CGGBP1: variants seen among roughly 807,000 people sequenced by gnomAD.
CGGBP1 encodes the protein CGG triplet repeat-binding protein 1.
A neutral mutation model predicts 11.4 loss-of-function variants in CGGBP1; 4 were observed. The observed-to-expected ratio is 0.35, with a 90% CI of 0.17 to 0.80. The LOEUF (loss-of-function observed/expected upper bound fraction) is 0.80, where lower values mean the gene tolerates loss of function less well. Among genes scored for constraint, CGGBP1 ranks in the 30% least tolerant of loss-of-function variants. CGGBP1 has a pLI of 0.52. For missense variants in CGGBP1, 135 were observed against 202.1 expected (o/e 0.67, Z 2.01); for synonymous variants, 76 against 74.1 (o/e 1.03, Z -0.13).
At chr3:88,129,124 AT>A (rs1369031111) in intron 2 of CGGBP1, 57 of 719,242 alleles carry the variant, frequency 7.9e-5, no homozygotes, top group Non-Finnish European at 1.1e-5. Context: ...AATGCCAAAG[AT>A]TTAAGGATTA....
chr3:88,129,152 T>C, intron 2 of CGGBP1: 1 of 614,396 alleles, frequency 1.6e-6, no homozygotes, highest in South Asian at 2.5e-5. Context: ...CTGGATGTGT[T>C]TTCTTTTGGC....
upstream of CGGBP1, among the ~76,000 whole-genome samples, chr3:88,061,659 C>T (rs747371970): frequency 4.6e-5 from 7 of 152,100 alleles, no homozygotes; most frequent in African/African-American, 1.7e-4. Context: ...ATTTTATCTA[C>T]TGAGAAATAA....
upstream of CGGBP1, chr3:88,059,632 C>G: frequency 7.4e-7 from 1 of 1,350,674 alleles, no homozygotes. Context: ...GAGGGTGAGG[C>G]TGAAGCTCCC....
At chr3:88,124,964 C>T (rs1427125037) in intron 2 of CGGBP1, among the ~76,000 whole-genome samples, 1 of 151,910 alleles carries the variant, frequency 6.6e-6, no homozygotes, top group African/African-American at 2.4e-5. Context: ...GCCTGTAATC[C>T]CAGCACTTTG....
intron 1 of CGGBP1, among the ~76,000 whole-genome samples, 190 bp from the exon 2 acceptor site, chr3:88,058,413 C>T (rs1466766805): frequency 2.6e-5 from 4 of 152,030 alleles, no homozygotes; most frequent in Non-Finnish European, 5.9e-5. Flanking sequence ...GTGGTCCGCC[C>T]GCTTGGCACC....
At chr3:88,087,027 C>T (rs1273167961) in intron 2 of CGGBP1, among the ~76,000 whole-genome samples, 1 of 152,104 alleles carries the variant, frequency 6.6e-6, no homozygotes, top group Non-Finnish European at 1.5e-5. Context: ...CGTGATCTGC[C>T]TACCTTGGCC....
chr3:88,058,120 C>T lies in CGGBP1; in HGVS notation c.-227G>A, dbSNP rs1046855428. 2 of 152,202 alleles carry T rather than the reference C, an allele frequency of 1.3e-5. No homozygotes were observed. Among genetic ancestry groups the T allele is most frequent in the Admixed American group, 6.5e-5 (1 of 15,272 alleles). The allele number at this position is 152,202 out of a possible 1,614,324, so 9.4% of individuals were successfully genotyped here. A position where few individuals can be genotyped will look rare whatever the true frequency, so the allele number is the denominator to read the frequency against. On this transcript the variant is annotated 5_prime_UTR_variant, in exon 2 of 4. Transcript: ENST00000482016. ...ATCCTGGCACTTTCCGTTTGTTCAA[C>T]CCCGGAGATGCCTTCAAATCAGTTT...
At chr3:88,077,846 T>G (rs1395423106) in intron 2 of CGGBP1, among the ~76,000 whole-genome samples, 1 of 152,214 alleles carries the variant, frequency 6.6e-6, no homozygotes, top group Non-Finnish European at 1.5e-5. Context: ...AAACCAAGGT[T>G]GTTTTTTAGT....
At chr3:88,096,565 C>A (rs537639556) in intron 2 of CGGBP1, among the ~76,000 whole-genome samples, 1 of 152,214 alleles carries the variant, frequency 6.6e-6, no homozygotes, top group East Asian at 1.9e-4. Flanking sequence ...TTTAGATTGG[C>A]AATTTTTTTC....
At chr3:88,123,464 C>CT (rs1234811591) in intron 2 of CGGBP1, among the ~76,000 whole-genome samples, 2 of 152,122 alleles carry the variant, frequency 1.3e-5, no homozygotes, top group Non-Finnish European at 2.9e-5. Context: ...GGAGTAGACA[C>CT]TAAGTGTGGG....
chr3:88,059,119 C>T (rs1370737182), upstream of CGGBP1: 7 of 1,003,090 alleles, frequency 7.0e-6, no homozygotes, highest in Admixed American at 2.9e-5. Context: ...CGGGCATGAA[C>T]ATGATTGGCA....
intron 2 of CGGBP1, among the ~76,000 whole-genome samples, chr3:88,089,191 T>TAA (rs11328694): frequency 1.4e-4 from 18 of 131,192 alleles, no homozygotes; most frequent in East Asian, 2.2e-4. Context: ...GCTTACGTAT[T>TAA]AAAAAAAAAA....
intron 2 of CGGBP1, chr3:88,086,125 A>T: frequency 1.5e-6 from 1 of 678,758 alleles, no homozygotes. Context: ...AGTATAGAAG[A>T]TCCCTCCCTC....
rs879906166 is a variant in CGGBP1 at position 88,108,203 on chromosome 3, G to GT, written c.-229+32766dup. On this transcript the variant is annotated intron_variant, in intron 2 of 3. Transcript: ENST00000462901. ...CCTACATGAGAAGATTTTCAAAGTA[G>GT]TTTTTTTTTTTTCCTATTTCTACTT... Among the ~76,000 whole-genome samples, 472 of 145,898 alleles carry GT rather than the reference G, an allele frequency of 3.2e-3. 1 individual carries two copies. The highest frequency in any genetic ancestry group is 8.8e-3 in the African/African-American group (354 of 40,064).
chr3:88,135,419 G>C (rs1706715908), intron 2 of CGGBP1: 1 of 345,580 alleles, frequency 2.9e-6, no homozygotes, highest in Non-Finnish European at 5.2e-6. Flanking sequence ...GGAAGCAATT[G>C]CTTCCATTAC....
upstream of CGGBP1, among the ~76,000 whole-genome samples, chr3:88,063,915 G>A (rs1333629187): frequency 1.3e-5 from 2 of 152,106 alleles, no homozygotes; most frequent in Non-Finnish European, 2.9e-5. Context: ...GGAGCTGGTT[G>A]TCTCTGTGGT....
chr3:88,052,799 G>A lies in CGGBP1; in HGVS notation c.*2674C>T, dbSNP rs1267899100. 1 of 152,426 alleles carries A rather than the reference G, an allele frequency of 6.6e-6. No homozygotes were observed. Among genetic ancestry groups the A allele is most frequent in the Non-Finnish European group, 1.5e-5 (1 of 67,980 alleles). 9.4% of individuals were successfully genotyped at this position (152,426 alleles called of 1,614,324 possible). On this transcript the variant is annotated 3_prime_UTR_variant, in exon 4 of 4. Transcript: ENST00000482016. ...CACAATCTTTCTTAATTTTCACCTT[G>A]TAAGAAATGATTACAATGTCCTTCA...
intron 2 of CGGBP1, among the ~76,000 whole-genome samples, chr3:88,083,494 T>G (rs1461145926): frequency 6.6e-6 from 1 of 152,188 alleles, no homozygotes; most frequent in African/African-American, 2.4e-5. Context: ...TTTGTCCTCT[T>G]CAATTCCCTT....
intron 2 of CGGBP1, among the ~76,000 whole-genome samples, chr3:88,075,797 T>C (rs914655178): frequency 6.6e-6 from 1 of 152,172 alleles, no homozygotes; most frequent in Non-Finnish European, 1.5e-5. Context: ...TTATCTCTTG[T>C]AGTGTCTTCC....
Sources: allele counts gnomAD v4.1 joint callset (sites outside exome capture counted in the v4.1 genomes callset), GRCh38; gene constraint gnomAD v4.1.1; transcripts MANE v1.5; gene names NCBI Gene and HGNC (gene_info 2026-07-23, HGNC 2026-07-21).